The following SEC16B variants were observed in gnomAD, a reference collection of about 807,000 sequenced individuals.
SEC16B encodes the protein protein transport protein Sec16B.
Under a neutral mutation model 141.8 loss-of-function variants are expected in SEC16B, and 115 were observed. The observed-to-expected ratio is 0.81, with a 90% CI of 0.70 to 0.95. The LOEUF (loss-of-function observed/expected upper bound fraction) is 0.95. SEC16B is among the 40% of genes least tolerant of loss of function. SEC16B has a pLI of 0.00. For synonymous variants in SEC16B, 493 were observed against 492.5 expected (o/e 1.00, Z -0.01); for missense variants, 1,291 against 1,312.3 (o/e 0.98, Z 0.25).
rs1452572179 is a variant in SEC16B, at chr1:177,939,698, G to A, written c.2203+4C>T. ...GTATATGCTCAGTTCATCATTTTGG[G>A]TACCTGTTGTTGTTCCTCCGGCTCC... On this transcript the variant is annotated splice_donor_region_variant and intron_variant, in intron 18 of 25. Transcript: ENST00000308284. The A allele has an allele frequency of 1.6e-5, 25 of 1,582,882 alleles. No individual in the cohort carries two copies. Among genetic ancestry groups the A allele is most frequent in the Non-Finnish European group, 2.2e-5 (25 of 1,161,206 alleles).
intron 25 of SEC16B, 58 bp from the exon 26 acceptor site, chr1:177,929,987 G>A (rs1650296344): frequency 2.6e-6 from 4 of 1,561,070 alleles, no homozygotes; most frequent in African/African-American, 1.4e-5. Context: ...CTCTGCCCGG[G>A]GTTGATTGGA....
intron 1 of SEC16B, among the ~76,000 whole-genome samples, chr1:177,983,468 G>T (rs1036000542): frequency 6.6e-6 from 1 of 151,874 alleles, no homozygotes; most frequent in Non-Finnish European, 1.5e-5. Flanking sequence ...AGGTTAAGCC[G>T]CTGTTGGTCA....
At chr1:177,946,304 C>T (rs778405561) in intron 14 of SEC16B, 116 bp downstream of exon 14, 20 of 802,806 alleles carry the variant, frequency 2.5e-5, no homozygotes, top group Admixed American at 1.4e-4. Flanking sequence ...ATAAGGGAGC[C>T]GGCGGTAGCT....
chr1:177,973,198 T>G (rs1654029893), upstream of SEC16B: 1 of 152,234 alleles, frequency 6.6e-6, no homozygotes, highest in African/African-American at 2.4e-5. Context: ...CCCACCTAGA[T>G]CTAGGTCAGG....
At position 177,937,280 on chromosome 1, in the gene SEC16B, C is replaced by T. The variant is rs371826824; in HGVS notation, c.2437G>A (p.Val813Met). The T allele has an allele frequency of 5.9e-5, 95 of 1,613,926 alleles. No individual in the cohort carries two copies. In the African/African-American group the frequency reaches 6.9e-4, roughly 12 times the overall value. The change falls in exon 19 of 26, where the codon GTG (valine) becomes ATG (methionine). Residue 813 changes from valine to methionine, a missense_variant. Val to Met is a conservative substitution (Grantham distance 21). Around this residue, in one of 3 missense-constraint regions of SEC16B, gnomAD observed 605 missense variants for 614.1 expected, o/e 0.99. Coordinates refer to ENST00000308284, the MANE Select transcript of SEC16B (RefSeq NM_033127.4). Reference protein sequence around the residue: ...ETHLPGTGSSVAVTEATGGTV... With the variant: ...ETHLPGTGSSMAVTEATGGTV... ...CCTCCAGTGGCCTCTGTCACTGCCA[C>T]GCTGCTGCCAGTCCCTGGTAGATGG...
chr1:177,947,704 G>A, intron 13 of SEC16B, 121 bp downstream of exon 13: 1 of 531,406 alleles, frequency 1.9e-6, no homozygotes, highest in Non-Finnish European at 3.4e-6. Context: ...GGGAGGGGAG[G>A]TGAGGAGAGG....
chr1:177,939,984 G>A (rs1651154911), intron 17 of SEC16B, among the ~76,000 whole-genome samples: 1 of 152,160 alleles, frequency 6.6e-6, no homozygotes, highest in African/African-American at 2.4e-5. Context: ...CTGGAGACCA[G>A]AGTCATCCAC....
intron 24 of SEC16B, among the ~76,000 whole-genome samples, chr1:177,931,465 G>A (rs1650408744): frequency 6.6e-6 from 1 of 152,102 alleles, no homozygotes; most frequent in African/African-American, 2.4e-5. Flanking sequence ...TACATATTAG[G>A]TACAACCCAC....
chr1:177,949,511 G>A (rs965146312), intron 12 of SEC16B, among the ~76,000 whole-genome samples: 2 of 151,098 alleles, frequency 1.3e-5, no homozygotes, highest in African/African-American at 2.4e-5. Context: ...ATGGAGAGGC[G>A]GAGGGGACAC....
At chr1:177,955,182 T>C (rs923105784) in intron 10 of SEC16B, among the ~76,000 whole-genome samples, 4 of 150,686 alleles carry the variant, frequency 2.7e-5, no homozygotes, top group Non-Finnish European at 5.9e-5. Context: ...TTGAATTGAA[T>C]TGAATGTATT....
chr1:177,949,387 C>CAA (rs1651987910), intron 12 of SEC16B, among the ~76,000 whole-genome samples: 1 of 49,796 alleles, frequency 2.0e-5, no homozygotes, highest in African/African-American at 6.1e-5. Context: ...TTGCTAAACA[C>CAA]ACACACACAC....
At chr1:177,975,814 C>G (rs1387615935) in intron 1 of SEC16B, among the ~76,000 whole-genome samples, 1 of 152,168 alleles carries the variant, frequency 6.6e-6, no homozygotes, top group Non-Finnish European at 1.5e-5. Context: ...CCCCTGGAAA[C>G]AGTCCTGGGA....
At chr1:177,965,827 C>A (rs1653471266) in intron 3 of SEC16B, 66 bp downstream of exon 3, 2 of 989,124 alleles carry the variant, frequency 2.0e-6, no homozygotes, top group South Asian at 3.0e-5. Context: ...TTTGGTCTCT[C>A]CCCTGCCTCT....
Position 177,965,324 on chromosome 1 carries a change from A to G in SEC16B, c.413-157T>C, listed in dbSNP as rs185510872. Reference sequence around the variant, plus strand: ...AATAGATAGGTGAGAGCTAATAAAGAAAGTCCATAGGACGCCTCTCAGTCC... The same window carrying G: ...AATAGATAGGTGAGAGCTAATAAAGGAAGTCCATAGGACGCCTCTCAGTCC... On this transcript the variant is annotated intron_variant, in intron 3 of 25. Coordinates refer to ENST00000308284, the MANE Select transcript of SEC16B (RefSeq NM_033127.4). Among the ~76,000 whole-genome samples, 391 of 152,288 alleles carry G rather than the reference A, an allele frequency of 2.6e-3. 3 individuals are homozygous for G. The highest frequency in any genetic ancestry group is 8.9e-3 in the African/African-American group (369 of 41,552).
chr1:177,941,331 T>C (rs1458764691), intron 16 of SEC16B, among the ~76,000 whole-genome samples: 1 of 152,232 alleles, frequency 6.6e-6, no homozygotes, highest in Non-Finnish European at 1.5e-5. Context: ...TTGGGCCTCA[T>C]CTATGGCAAA....
At chr1:177,947,754 A>AC in intron 13 of SEC16B, 71 bp downstream of exon 13, 2 of 393,976 alleles carry the variant, frequency 5.1e-6, no homozygotes, top group Non-Finnish European at 9.0e-6. Flanking sequence ...GGAGGTGAGG[A>AC]AAGGGACAGG....
At chr1:177,972,556 G>T (rs778706407), upstream of SEC16B, among the ~76,000 whole-genome samples, 5 of 152,154 alleles carry the variant, frequency 3.3e-5, no homozygotes, top group Admixed American at 1.3e-4. Context: ...TGCCCCAAGT[G>T]CTCTGTCCTC....
intron 3 of SEC16B, 92 bp downstream of exon 3, chr1:177,965,801 G>T (rs966915413): frequency 1.4e-6 from 1 of 706,840 alleles, no homozygotes; most frequent in Non-Finnish European, 2.4e-6. Flanking sequence ...CAAGGTGAGG[G>T]TCTGAACATG....
chr1:177,940,574 C>T, intron 17 of SEC16B, 36 bp downstream of exon 17: 1 of 1,470,224 alleles, frequency 6.8e-7, no homozygotes, highest in Non-Finnish European at 9.5e-7. Context: ...AAACAAAGGC[C>T]AGTCCCCCCA....
Sources: gnomAD v4.1 joint callset for allele counts (sites outside exome capture counted in the v4.1 genomes callset) on GRCh38, gnomAD v4.1.1 for gene constraint, gnomAD v4.1.1 regional missense constraint, MANE v1.5 for transcripts, NCBI Gene and HGNC (gene_info 2026-07-23, HGNC 2026-07-21) for gene names.